Variants in NCAN observed in about 807,000 individuals in gnomAD.
The protein encoded by NCAN is neurocan core protein.
Under a neutral mutation model 121.8 loss-of-function variants are expected in NCAN, and 47 were observed. That is an observed-to-expected ratio of 0.39 (90% CI 0.31 to 0.49). NCAN has a LOEUF of 0.49. Among genes scored for constraint, NCAN ranks in the 20% least tolerant of loss-of-function variants. The probability of loss-of-function intolerance (pLI) is 0.92; values close to 1 mark genes in which losing one functional copy is unlikely to be tolerated. For synonymous variants in NCAN, 633 were observed against 702.0 expected (o/e 0.90, Z 1.55); for missense variants, 1,517 against 1,773.4 (o/e 0.86, Z 2.60).
chr19:19,228,166 A>C lies in NCAN; in HGVS notation c.2546A>C (p.Gln849Pro). ...AGTGGAATTTGGGAACCTGGATCCC[A>C]GGTGTTTGAAGAAGCCGAAAGCACC... Reference protein sequence around the residue: ...DASGIWEPGSQVFEEAESTTL... With the variant: ...DASGIWEPGSPVFEEAESTTL... The change falls in exon 8 of 15, where the codon CAG (glutamine) becomes CCG (proline). Residue 849 changes from glutamine (Q) to proline (P), a missense_variant. Transcript: ENST00000252575. 1.2e-6 allele frequency: 2 copies of C among 1,613,836 alleles called. No homozygotes were observed. The highest frequency in any genetic ancestry group is 2.7e-5 in the African/African-American group (2 of 75,032).
At chr19:19,228,671 T>A in intron 8 of NCAN, 32 bp downstream of exon 8, 1 of 1,570,116 alleles carries the variant, frequency 6.4e-7, no homozygotes, top group Non-Finnish European at 8.7e-7. Flanking sequence ...TCTGTCCAGC[T>A]CTCCATGGTC....
intron 12 of NCAN, among the ~76,000 whole-genome samples, chr19:19,242,643 C>T (rs13344556): frequency 0.023 from 3,477 of 149,128 alleles, 113 homozygotes; most frequent in African/African-American, 0.072. Context: ...GAGCCGAGAT[C>T]GCGTCACTGC....
intron 13 of NCAN, among the ~76,000 whole-genome samples, chr19:19,245,956 T>C (rs1160388711): frequency 6.6e-6 from 1 of 150,658 alleles, no homozygotes; most frequent in Non-Finnish European, 1.5e-5. Context: ...TCGGGGTGGC[T>C]CATGCCTGTA....
intron 10 of NCAN, among the ~76,000 whole-genome samples, chr19:19,236,666 G>A (rs2060882225): frequency 6.6e-6 from 1 of 150,690 alleles, no homozygotes; most frequent in South Asian, 2.1e-4. Flanking sequence ...CTGGGTTCAT[G>A]TGATCCTCCT....
intron 1 of NCAN, among the ~76,000 whole-genome samples, chr19:19,214,454 G>A (rs566116786): frequency 6.3e-4 from 96 of 152,038 alleles, no homozygotes; most frequent in African/African-American, 2.3e-3. Flanking sequence ...TGTGTGGGGG[G>A]TGTGCACCTG....
intron 2 of NCAN, 131 bp from the exon 3 acceptor site, chr19:19,218,784 C>A: frequency 1.1e-6 from 1 of 921,926 alleles, no homozygotes; most frequent in Non-Finnish European, 1.5e-6. Context: ...TGCTTGGATT[C>A]TGAGGTCAAG....
At chr19:19,247,401 A>C (rs1406053346) in intron 13 of NCAN, among the ~76,000 whole-genome samples, 1 of 152,132 alleles carries the variant, frequency 6.6e-6, no homozygotes, top group African/African-American at 2.4e-5. Flanking sequence ...CTACAGGCGC[A>C]CGCTGCCACA....
intron 10 of NCAN, 55 bp downstream of exon 10, chr19:19,235,151 G>T: frequency 8.5e-7 from 1 of 1,176,114 alleles, no homozygotes. Flanking sequence ...TGGGTGCCCA[G>T]CCACAGGCTT....
At position 19,250,418 on chromosome 19, in the gene NCAN, C is replaced by G; in HGVS notation, c.*507C>G. ...ACTGTTTTTGAACTTGACAACAGCT[C>G]TCCCTTTACCCTGGACTTCAGCCCA... is the stretch of plus-strand genomic sequence containing the variant. On this transcript the variant is annotated 3_prime_UTR_variant, in exon 15 of 15. Transcript: ENST00000252575. 1 of 328,330 alleles carries G rather than the reference C, an allele frequency of 3.0e-6. No individual in the cohort carries two copies. The highest frequency in any genetic ancestry group is 6.0e-6 in the Non-Finnish European group (1 of 168,056). 20.3% of individuals were successfully genotyped at this position (328,330 alleles called of 1,614,324 possible).
intron 1 of NCAN, among the ~76,000 whole-genome samples, chr19:19,214,126 C>T (rs2060787240): frequency 6.6e-6 from 1 of 152,208 alleles, no homozygotes; most frequent in Non-Finnish European, 1.5e-5. Context: ...CACAAATGCC[C>T]ATTGGCAAAC....
Position 19,217,607 on chromosome 19 carries a change from A to T in NCAN, c.73+581A>T, listed in dbSNP as rs142931980. Among the ~76,000 whole-genome samples the T allele has an allele frequency of 3.3e-5, 5 of 152,332 alleles. No individual in the cohort carries two copies. The East Asian group carries it at 9.6e-4, about 29-fold the overall frequency. The stretch of plus-strand genomic sequence containing the variant: ...CTGTCTTTTGCTTTACCTTTCGGAA[A>T]AACTGGGGCTCAGGGAAGGAAAATG... On this transcript the variant is annotated intron_variant, in intron 2 of 14. Transcript: ENST00000252575.
In NCAN at chr19:19,235,076, G is replaced by A. The variant is rs1328873101; in HGVS notation, c.3230G>A (p.Gly1077Glu). ...GFVCLCLPSY[G>E]GSFCEKDTEG... ...GTCTGCCTTTGCCTCCCCAGCTATG[G>A]GGGCAGCTTTTGTGAGAAAGGTGAG... is the stretch of plus-strand genomic sequence containing the variant. Residue 1077 changes from glycine to glutamate, a missense_variant, in exon 10 of 15, where the codon GGG becomes GAG. Coordinates refer to ENST00000252575, the MANE Select transcript of NCAN (RefSeq NM_004386.3). The A allele has an allele frequency of 6.2e-7, 1 of 1,612,142 alleles. No homozygotes were observed. The highest frequency in any genetic ancestry group is 8.5e-7 in the Non-Finnish European group (1 of 1,178,730).
intron 5 of NCAN, 82 bp downstream of exon 5, chr19:19,224,515 T>C: frequency 6.5e-7 from 1 of 1,529,610 alleles, no homozygotes; most frequent in Non-Finnish European, 8.8e-7. Context: ...TCCTCCGGGG[T>C]CCTTATGCAA....
chr19:19,216,869 A>T (rs2060798009), intron 1 of NCAN, 78 bp from the exon 2 acceptor site: 3 of 739,084 alleles, frequency 4.1e-6, no homozygotes, highest in Non-Finnish European at 6.0e-6. Context: ...AGAGTGGGGG[A>T]GTTTGGTCCT....
At chr19:19,214,727 G>T (rs866353845) in intron 1 of NCAN, among the ~76,000 whole-genome samples, 32 of 141,246 alleles carry the variant, frequency 2.3e-4, no homozygotes, top group African/African-American at 6.6e-4. Context: ...CTGTTAACGG[G>T]GTGTGTGTGT....
rs536651985 is a variant in NCAN, at chr19:19,221,732, A to T, written c.476-2289A>T. Among the ~76,000 whole-genome samples the T allele has an allele frequency of 5.6e-4, 85 of 151,964 alleles. 1 individual carries two copies. The South Asian group carries it at 7.9e-3, about 14-fold the overall frequency. ...GAGACCTCGTCTCTACAAAATTTTTAAAAAAATATTAGCAGGGCATGCTAG... is the reference window on the plus strand; with the variant it reads ...GAGACCTCGTCTCTACAAAATTTTTTAAAAAATATTAGCAGGGCATGCTAG... On this transcript the variant is annotated intron_variant, in intron 3 of 14. Coordinates refer to ENST00000252575, the MANE Select transcript of NCAN (RefSeq NM_004386.3).
chr19:19,238,394 A>T lies in NCAN; in HGVS notation c.3392A>T (p.Glu1131Val). 2 of 1,614,148 alleles carry T rather than the reference A, an allele frequency of 1.2e-6. No homozygotes were observed. The highest frequency in any genetic ancestry group is 1.7e-6 in the Non-Finnish European group (2 of 1,180,030). Reference sequence around the variant, plus strand: ...CTGACCAGCGTCCACTCACCGGAGGAACACAGCTTCATTAATAGTAGGGGC... The same window carrying T: ...CTGACCAGCGTCCACTCACCGGAGGTACACAGCTTCATTAATAGTAGGGGC... The part of the protein sequence containing the change: ...GHLTSVHSPE[E>V]HSFINSFGHE... Residue 1131 changes from glutamate to valine, a missense_variant, in exon 11 of 15, where the codon GAA becomes GTA. Transcript: ENST00000252575.
Position 19,224,944 on chromosome 19 carries a change from A to G in NCAN, c.779-33A>G, listed in dbSNP as rs2060829815. ...CCTGGGCTCCAGGGGAGGGTTCCCC[A>G]GCCCCCCTGACCTCCACCCGCCCCT... On this transcript the variant is annotated intron_variant, in intron 5 of 14. Transcript: ENST00000252575. 2.9e-6 allele frequency: 4 copies of G among 1,368,264 alleles called. No individual in the cohort carries two copies. The Admixed American group carries it at 1.1e-4, about 36-fold the overall frequency. The allele number at this position is 1,368,264 out of a possible 1,614,324, so 84.8% of individuals were successfully genotyped here. A position where few individuals can be genotyped will look rare whatever the true frequency, so the allele number is the denominator to read the frequency against.
chr19:19,230,403 A>AT (rs5827436), intron 8 of NCAN, among the ~76,000 whole-genome samples: 7,439 of 118,416 alleles, frequency 0.063, 443 homozygotes, highest in East Asian at 0.15. Context: ...CCACCCCCAA[A>AT]TTTTTTTTTT....
Sources: gnomAD v4.1 joint callset for allele counts (sites outside exome capture counted in the v4.1 genomes callset) on GRCh38, gnomAD v4.1.1 for gene constraint, MANE v1.5 for transcripts, NCBI Gene and HGNC (gene_info 2026-07-23, HGNC 2026-07-21) for gene names.